The following CFAP70 variants were observed in gnomAD, a reference collection of about 807,000 sequenced individuals.
CFAP70 encodes cilia- and flagella-associated protein 70.
CFAP70 carries 81 observed loss-of-function variants against 137.6 expected under a neutral mutation model. That is an observed-to-expected ratio of 0.59 (90% CI 0.49 to 0.71). The LOEUF is 0.71. Among genes scored for constraint, CFAP70 ranks in the 30% least tolerant of loss-of-function variants. The pLI, the probability that CFAP70 is intolerant of heterozygous loss-of-function variation, is 0.00. For synonymous variants in CFAP70, 382 were observed against 423.6 expected (o/e 0.90, Z 1.20); for missense variants, 976 against 1,226.7 (o/e 0.80, Z 3.05).
At chr10:73,296,758 A>G (rs1336491291) in intron 15 of CFAP70, 1 of 216,262 alleles carries the variant, frequency 4.6e-6, no homozygotes, top group Non-Finnish European at 9.1e-6. Flanking sequence ...TTCACAATTT[A>G]TGCAACATAT....
chr10:73,258,928 G>A (rs1043885134), intron 25 of CFAP70, among the ~76,000 whole-genome samples: 7 of 152,118 alleles, frequency 4.6e-5, no homozygotes, highest in South Asian at 4.1e-4. Flanking sequence ...TTGATAATGC[G>A]TGCCCAGTGG....
At chr10:73,348,347 C>G in intron 4 of CFAP70, 76 bp downstream of exon 4, 1 of 1,534,192 alleles carries the variant, frequency 6.5e-7, no homozygotes, top group Non-Finnish European at 9.0e-7. Flanking sequence ...TTCATTGAGG[C>G]TAATTTCTAT....
chr10:73,273,073 G>C, intron 23 of CFAP70, 56 bp from the exon 25 acceptor site: 1 of 1,309,760 alleles, frequency 7.6e-7, no homozygotes, highest in Admixed American at 2.0e-5. Context: ...ACCCCATATT[G>C]CTGGGATGAT....
At chr10:73,259,376 A>G (rs1029473393) in intron 25 of CFAP70, among the ~76,000 whole-genome samples, 2 of 152,070 alleles carry the variant, frequency 1.3e-5, no homozygotes, top group African/African-American at 2.4e-5. Context: ...AGTGACACAG[A>G]GCTTCTTCTC....
At chr10:73,302,736 T>C (rs1335982633) in intron 12 of CFAP70, among the ~76,000 whole-genome samples, 1 of 152,216 alleles carries the variant, frequency 6.6e-6, no homozygotes, top group Non-Finnish European at 1.5e-5. Context: ...TTTTCATATG[T>C]TGAAGACTGC....
intron 9 of CFAP70, among the ~76,000 whole-genome samples, chr10:73,318,022 C>G (rs1295515357): frequency 6.6e-6 from 1 of 152,156 alleles, no homozygotes; most frequent in African/African-American, 2.4e-5. Flanking sequence ...GCCTGCTTCC[C>G]CTTTGCCTTC....
In CFAP70 at chr10:73,291,448, G is replaced by C; in HGVS notation, c.2021-4C>G. On this transcript the variant is annotated splice_polypyrimidine_tract_variant and splice_region_variant and intron_variant, in intron 18 of 26. Transcript: ENST00000310715. ...TTTTGAATTTCATAGTACAAACCTG[G>C]GGAAAGAAAAATGTTGAAATACATA... 1 of 1,613,168 alleles carries C rather than the reference G, an allele frequency of 6.2e-7. No individual in the cohort carries two copies. Among genetic ancestry groups the C allele is most frequent in the Non-Finnish European group, 8.5e-7 (1 of 1,179,302 alleles).
intron 25 of CFAP70, among the ~76,000 whole-genome samples, chr10:73,266,408 A>G (rs1337333292): frequency 1.3e-5 from 2 of 152,068 alleles, no homozygotes; most frequent in African/African-American, 4.8e-5. Flanking sequence ...GTTTGCTTGT[A>G]GATTTTCTTG....
intron 12 of CFAP70, among the ~76,000 whole-genome samples, chr10:73,308,974 A>G (rs2049663586): frequency 1.3e-5 from 2 of 152,208 alleles, no homozygotes; most frequent in African/African-American, 4.8e-5. Context: ...TTAAGGAACT[A>G]GCAAAAGGGG....
chr10:73,320,732 A>G (rs1212001782), intron 9 of CFAP70, among the ~76,000 whole-genome samples: 1 of 151,616 alleles, frequency 6.6e-6, no homozygotes, highest in African/African-American at 2.4e-5. Flanking sequence ...CAGTGGCACA[A>G]TCTCGGCTCA....
At chr10:73,320,559 GC>G (rs1201679419) in intron 9 of CFAP70, among the ~76,000 whole-genome samples, 1 of 152,030 alleles carries the variant, frequency 6.6e-6, no homozygotes, top group Non-Finnish European at 1.5e-5. Flanking sequence ...GAACTCCTGG[GC>G]TCAAGTGATC....
At chr10:73,338,720 T>C (rs984500723) in intron 6 of CFAP70, among the ~76,000 whole-genome samples, 19 of 151,656 alleles carry the variant, frequency 1.3e-4, no homozygotes, top group African/African-American at 4.1e-4. Context: ...TGAGCCACCA[T>C]GTCTGGCCAT....
chr10:73,355,418 C>A (rs1332981110), intron 1 of CFAP70, among the ~76,000 whole-genome samples: 1 of 152,204 alleles, frequency 6.6e-6, no homozygotes, highest in African/African-American at 2.4e-5. Flanking sequence ...CCAGATAGGA[C>A]TGTCTAGCTG....
intron 26 of CFAP70, chr10:73,254,331 C>CT (rs920723914): frequency 8.2e-6 from 2 of 243,790 alleles, no homozygotes; most frequent in Non-Finnish European, 1.5e-5. Flanking sequence ...TTAAAATTTA[C>CT]TTTTTTTATT....
intron 19 of CFAP70, among the ~76,000 whole-genome samples, chr10:73,285,797 G>A (rs1402657164): frequency 6.6e-6 from 1 of 151,916 alleles, no homozygotes; most frequent in Non-Finnish European, 1.5e-5. Context: ...ACCACACCTG[G>A]CTAGTTTTTA....
At chr10:73,267,111 T>C (rs909313812) in intron 25 of CFAP70, among the ~76,000 whole-genome samples, 4 of 152,338 alleles carry the variant, frequency 2.6e-5, no homozygotes, top group Non-Finnish European at 4.4e-5. Context: ...TACTGAAGTA[T>C]AACAAACCAA....
intron 19 of CFAP70, among the ~76,000 whole-genome samples, chr10:73,279,918 G>GT (rs1459725267): frequency 6.6e-6 from 1 of 151,744 alleles, no homozygotes; most frequent in Non-Finnish European, 1.5e-5. Context: ...GGAAAGCCAT[G>GT]TAAGTATATG....
chr10:73,315,561 T>G (rs893483646), intron 9 of CFAP70, among the ~76,000 whole-genome samples: 10 of 152,284 alleles, frequency 6.6e-5, no homozygotes, highest in African/African-American at 9.6e-5. Context: ...GATATTCTTT[T>G]TTGTTGTTGT....
chr10:73,336,747 G>A (rs750244136), intron 6 of CFAP70, among the ~76,000 whole-genome samples: 4 of 151,680 alleles, frequency 2.6e-5, no homozygotes, highest in Non-Finnish European at 5.9e-5. Context: ...CACCACGCCC[G>A]GCTAATTTTT....
Sources: allele counts gnomAD v4.1 joint callset (sites outside exome capture counted in the v4.1 genomes callset), GRCh38; gene constraint gnomAD v4.1.1; transcripts MANE v1.5; gene names NCBI Gene and HGNC (gene_info 2026-07-23, HGNC 2026-07-21).